Variants in MAPRE2 observed in about 807,000 individuals in gnomAD.
The protein encoded by MAPRE2 is microtubule-associated protein RP/EB family member 2.
A neutral mutation model predicts 43.2 loss-of-function variants in MAPRE2; 13 were observed. That is an observed-to-expected ratio of 0.30 (90% CI 0.20 to 0.48). MAPRE2 has a LOEUF of 0.48. MAPRE2 is among the 20% of genes least tolerant of loss of function. The probability of loss-of-function intolerance (pLI) is 0.99; values close to 1 mark genes in which losing one functional copy is unlikely to be tolerated. For synonymous variants in MAPRE2, 135 were observed against 148.8 expected, an observed-to-expected ratio of 0.91 and a Z score of 0.68; for missense variants, 161 against 400.2, an observed-to-expected ratio of 0.40 and a Z score of 5.10.
intron 2 of MAPRE2, among the ~76,000 whole-genome samples, chr18:35,016,173 T>TAC (rs1321886246): frequency 1.3e-5 from 2 of 152,000 alleles, no homozygotes; most frequent in Non-Finnish European, 2.9e-5. Flanking sequence ...TATATATATA[T>TAC]ACCACATCTT....
rs191207208 is a variant in MAPRE2 at position 35,000,917 on chromosome 18, C to T, written c.-69-4575C>T. ...AATACAGAACACCTGCCTTGTCATC[C>T]ATAAAATAGTACCACAAAGGATAAA... On this transcript the variant is annotated intron_variant, in intron 1 of 7. Transcript: ENST00000413393. Among the ~76,000 whole-genome samples the T allele has an allele frequency of 3.3e-5, 5 of 152,254 alleles. No individual in the cohort carries two copies. In the East Asian group the frequency reaches 9.7e-4, roughly 29 times the overall value.
At chr18:35,086,961 T>A (rs1367867492) in intron 2 of MAPRE2, among the ~76,000 whole-genome samples, 2 of 152,320 alleles carry the variant, frequency 1.3e-5, no homozygotes, top group East Asian at 3.9e-4. Context: ...TCTGAAAATT[T>A]CCACTTTAAA....
chr18:35,019,813 T>C (rs2097040814), intron 2 of MAPRE2, among the ~76,000 whole-genome samples: 2 of 152,222 alleles, frequency 1.3e-5, no homozygotes, highest in African/African-American at 2.4e-5. Context: ...CATATCCCTG[T>C]GAATATAACA....
intron 1 of MAPRE2, among the ~76,000 whole-genome samples, chr18:35,056,770 G>C (rs148912098): frequency 6.6e-6 from 1 of 152,180 alleles, no homozygotes; most frequent in East Asian, 1.9e-4. Context: ...TTAACTAATT[G>C]TTACTGTTCT....
chr18:35,049,975 C>T (rs180800630), intron 1 of MAPRE2, among the ~76,000 whole-genome samples: 3 of 152,242 alleles, frequency 2.0e-5, no homozygotes, highest in East Asian at 3.9e-4. Context: ...CTGTTTTGCT[C>T]TTCCAATTTT....
chr18:35,099,815 G>C (rs979980002), intron 3 of MAPRE2, among the ~76,000 whole-genome samples: 33 of 151,948 alleles, frequency 2.2e-4, no homozygotes, highest in Admixed American at 2.2e-3. Context: ...CTTTGTACTT[G>C]GTTTAGTTTC....
chr18:35,025,577 C>T (rs1278447730), intron 2 of MAPRE2, among the ~76,000 whole-genome samples: 2 of 151,970 alleles, frequency 1.3e-5, no homozygotes, highest in African/African-American at 4.8e-5. Flanking sequence ...GTGCTCTTCA[C>T]CCTAGGAGGA....
intron 6 of MAPRE2, among the ~76,000 whole-genome samples, chr18:35,137,904 G>A (rs1910459889): frequency 6.6e-6 from 1 of 152,200 alleles, no homozygotes; most frequent in African/African-American, 2.4e-5. Flanking sequence ...GGGACAGACA[G>A]CTGGGAGTTC....
intron 2 of MAPRE2, among the ~76,000 whole-genome samples, chr18:35,030,586 A>C (rs1314020156): frequency 6.6e-6 from 1 of 152,182 alleles, no homozygotes; most frequent in Non-Finnish European, 1.5e-5. Context: ...GTACCTCCTC[A>C]TTGTTAAGCA....
intron 4 of MAPRE2, 144 bp from the exon 5 acceptor site, chr18:35,126,804 T>C: frequency 1.4e-6 from 1 of 702,674 alleles, no homozygotes; most frequent in South Asian, 2.0e-5. Context: ...GCTGAAATAT[T>C]TATACTCCTT....
chr18:35,028,242 A>G (rs530598557), intron 2 of MAPRE2, among the ~76,000 whole-genome samples: 7 of 152,208 alleles, frequency 4.6e-5, no homozygotes, highest in Non-Finnish European at 1.0e-4. Context: ...CCACAGGGGC[A>G]AGGCAGGAAC....
chr18:35,035,952 A>C (rs551247876), intron 2 of MAPRE2, among the ~76,000 whole-genome samples: 55 of 145,344 alleles, frequency 3.8e-4, no homozygotes, highest in Non-Finnish European at 7.0e-4. Context: ...ACCTCATCAC[A>C]TTAAGACCTA....
chr18:35,125,880 G>C (rs1163631170), intron 4 of MAPRE2, among the ~76,000 whole-genome samples: 1 of 152,128 alleles, frequency 6.6e-6, no homozygotes, highest in African/African-American at 2.4e-5. Flanking sequence ...ACTTCCTTAA[G>C]GTGCTGACTC....
chr18:34,983,689 G>A (rs1413149971), intron 1 of MAPRE2, among the ~76,000 whole-genome samples: 2 of 152,070 alleles, frequency 1.3e-5, no homozygotes, highest in African/African-American at 4.8e-5. Context: ...GAGTGCAATG[G>A]TACTGTCTTG....
intron 1 of MAPRE2, among the ~76,000 whole-genome samples, chr18:35,048,031 A>G (rs766512131): frequency 1.3e-5 from 2 of 152,228 alleles, no homozygotes; most frequent in African/African-American, 4.8e-5. Context: ...GAAAGACAAC[A>G]TGGCAAGAGG....
intron 2 of MAPRE2, among the ~76,000 whole-genome samples, chr18:35,015,888 G>C (rs77887933): frequency 4.6e-5 from 7 of 151,790 alleles, no homozygotes; most frequent in African/African-American, 1.7e-4. Context: ...TGACGTTTTG[G>C]GTATAACTGA....
intron 1 of MAPRE2, among the ~76,000 whole-genome samples, chr18:34,995,270 A>T (rs1366450465): frequency 2.0e-5 from 3 of 152,188 alleles, no homozygotes; most frequent in Non-Finnish European, 4.4e-5. Flanking sequence ...CAAGTAATGC[A>T]GTTTTTAAGT....
intron 2 of MAPRE2, among the ~76,000 whole-genome samples, chr18:35,013,315 C>T (rs2017569786): frequency 6.6e-6 from 1 of 152,166 alleles, no homozygotes; most frequent in African/African-American, 2.4e-5. Context: ...GTGATTTAAA[C>T]ACTGCCTGGA....
intron 5 of MAPRE2, among the ~76,000 whole-genome samples, chr18:35,130,445 A>G (rs966775439): frequency 1.3e-5 from 2 of 152,166 alleles, no homozygotes; most frequent in Non-Finnish European, 2.9e-5. Flanking sequence ...CCCTGAATCT[A>G]CAGGATGGAT....
Sources: gnomAD v4.1 joint callset for allele counts (sites outside exome capture counted in the v4.1 genomes callset) on GRCh38, gnomAD v4.1.1 for gene constraint, MANE v1.5 for transcripts, NCBI Gene and HGNC (gene_info 2026-07-23, HGNC 2026-07-21) for gene names.